The following TIAM1 variants were observed in gnomAD, a reference collection of about 807,000 sequenced individuals.
TIAM1 encodes rho guanine nucleotide exchange factor TIAM1.
A neutral mutation model predicts 163.5 loss-of-function variants in TIAM1; 65 were observed. The ratio of observed to expected loss-of-function variants is 0.40; its 90% confidence interval spans 0.33 to 0.49. The LOEUF is 0.49. Ranked by LOEUF, TIAM1 falls within the 20% of genes least tolerant of loss-of-function variation. The probability of loss-of-function intolerance (pLI) is 0.77; values close to 1 mark genes in which losing one functional copy is unlikely to be tolerated. For missense variants in TIAM1, 1,789 were observed against 2,044.7 expected, an observed-to-expected ratio of 0.87 and a Z score of 2.41; for synonymous variants, 833 against 810.1, an observed-to-expected ratio of 1.03 and a Z score of -0.48.
At chr21:31,394,394 T>C (rs1189358352) in intron 2 of TIAM1, among the ~76,000 whole-genome samples, 1 of 152,158 alleles carries the variant, frequency 6.6e-6, no homozygotes, top group Non-Finnish European at 1.5e-5. Flanking sequence ...TTTAGGGCAG[T>C]GAAACTAATT....
chr21:31,557,968 C>G (rs964983341), intron 1 of TIAM1, among the ~76,000 whole-genome samples: 3 of 152,020 alleles, frequency 2.0e-5, no homozygotes, highest in African/African-American at 7.2e-5. Context: ...GCGAAGGCGC[C>G]GAGACGGCAT....
chr21:31,123,065 C>A (rs1376496134), intron 27 of TIAM1, among the ~76,000 whole-genome samples: 1 of 152,218 alleles, frequency 6.6e-6, no homozygotes, highest in African/African-American at 2.4e-5. Context: ...GCTATGACAT[C>A]AAGGCTTTCT....
At chr21:31,437,913 A>G (rs1338340219) in intron 2 of TIAM1, among the ~76,000 whole-genome samples, 1 of 152,226 alleles carries the variant, frequency 6.6e-6, no homozygotes, top group Non-Finnish European at 1.5e-5. Flanking sequence ...ACTAATACGT[A>G]TGGATATTCC....
At chr21:31,227,964 G>A (rs1336832623) in intron 6 of TIAM1, among the ~76,000 whole-genome samples, 4 of 151,796 alleles carry the variant, frequency 2.6e-5, no homozygotes, top group African/African-American at 7.3e-5. Context: ...GTGCAGTGGC[G>A]CGATCTCAGT....
intron 2 of TIAM1, among the ~76,000 whole-genome samples, chr21:31,451,420 T>C (rs1388335781): frequency 6.6e-6 from 1 of 151,968 alleles, no homozygotes; most frequent in Admixed American, 6.6e-5. Context: ...ACACACTGCA[T>C]ACAGGGAAGT....
In TIAM1 at chr21:31,181,769, T is replaced by C. The variant is rs1019070907; in HGVS notation, c.2887+652A>G. Among the ~76,000 whole-genome samples the C allele has an allele frequency of 1.1e-3, 56 of 49,792 alleles. 1 individual carries two copies. Among genetic ancestry groups the C allele is most frequent in the African/African-American group, 3.5e-3 (27 of 7,636 alleles). The allele number at this position is 49,792 out of a possible 152,430, so 32.7% of individuals were successfully genotyped here. On this transcript the variant is annotated intron_variant, in intron 15 of 27. Coordinates refer to ENST00000541036, the MANE Select transcript of TIAM1 (RefSeq NM_001353694.2). ...CTTCTTCTTCTTCTTTTTTTTTTTT[T>C]TTTTTTTTTTTTTTTTTTTTTTTTT...
intron 2 of TIAM1, among the ~76,000 whole-genome samples, chr21:31,392,483 T>A (rs2076982451): frequency 6.8e-6 from 1 of 146,144 alleles, no homozygotes; most frequent in Non-Finnish European, 1.5e-5. Context: ...GGCAGGAGAA[T>A]CGCTTGAACC....
intron 12 of TIAM1, among the ~76,000 whole-genome samples, chr21:31,202,509 T>A (rs2086255564): frequency 6.6e-6 from 1 of 152,180 alleles, no homozygotes; most frequent in Non-Finnish European, 1.5e-5. Flanking sequence ...AAGGTTGAGG[T>A]GAGCTATGAT....
intron 13 of TIAM1, among the ~76,000 whole-genome samples, chr21:31,190,517 C>G (rs1452257476): frequency 6.6e-6 from 1 of 152,008 alleles, no homozygotes; most frequent in Non-Finnish European, 1.5e-5. Flanking sequence ...AAACTAGAGT[C>G]CAGGATACAA....
chr21:31,310,960 C>A (rs2074902688), intron 2 of TIAM1, among the ~76,000 whole-genome samples: 1 of 152,152 alleles, frequency 6.6e-6, no homozygotes, highest in Non-Finnish European at 1.5e-5. Flanking sequence ...AATCCTCTGA[C>A]AAAGGGCCGC....
At chr21:31,249,795 A>G (rs566513091) in intron 5 of TIAM1, among the ~76,000 whole-genome samples, 1 of 152,320 alleles carries the variant, frequency 6.6e-6, no homozygotes, top group South Asian at 2.1e-4. Flanking sequence ...GCAGTTCTCC[A>G]AAATGCTTCC....
At position 31,210,081 on chromosome 21, in the gene TIAM1, G is replaced by A. The variant is rs200818067; in HGVS notation, c.2352C>T (p.Gly784=). Reference sequence around the variant, plus strand: ...GCTCCAGGGTGTCCCGTGCAGTGTCGCCTGGCCGGACGACCGTCAGGGCAG... The same window carrying A: ...GCTCCAGGGTGTCCCGTGCAGTGTCACCTGGCCGGACGACCGTCAGGGCAG... ...NQPALTVVRP[G]DTARDTLELI... The change falls in exon 11 of 28, where the codon GGC becomes GGT. Residue 784 remains glycine (G), a synonymous_variant. Transcript: ENST00000541036. 2.5e-4 allele frequency: 401 copies of A among 1,614,096 alleles called. 1 individual carries two copies. The highest frequency in any genetic ancestry group is 3.2e-4 in the Non-Finnish European group (375 of 1,180,028).
chr21:31,151,535 C>T (rs1396465737), intron 19 of TIAM1, among the ~76,000 whole-genome samples: 1 of 151,952 alleles, frequency 6.6e-6, no homozygotes, highest in Non-Finnish European at 1.5e-5. Flanking sequence ...TAACAGGGAG[C>T]AGAGCATGGA....
rs774743471 is a variant in TIAM1, at chr21:31,118,585, A to C, written c.*1783T>G. The C allele has an allele frequency of 2.1e-6, 1 of 471,756 alleles. No homozygotes were observed. Among genetic ancestry groups the C allele is most frequent in the South Asian group, 1.5e-5 (1 of 64,564 alleles). 29.2% of individuals were successfully genotyped at this position (471,756 alleles called of 1,614,324 possible). A position where few individuals can be genotyped will look rare whatever the true frequency, so the allele number is the denominator to read the frequency against. On this transcript the variant is annotated 3_prime_UTR_variant, in exon 28 of 28. Coordinates refer to ENST00000541036, the MANE Select transcript of TIAM1 (RefSeq NM_001353694.2). Reference sequence around the variant, plus strand: ...AGAGACAATGGCACCCTCTCCAAGCACCAGACTTCCGAGTGTTTTCAGATG... The same window carrying C: ...AGAGACAATGGCACCCTCTCCAAGCCCCAGACTTCCGAGTGTTTTCAGATG...
intron 2 of TIAM1, among the ~76,000 whole-genome samples, chr21:31,354,249 C>T (rs1367749760): frequency 1.3e-5 from 2 of 152,192 alleles, no homozygotes; most frequent in Non-Finnish European, 2.9e-5. Context: ...GAACCTCATG[C>T]CCTCTTAAGG....
At position 31,236,057 on chromosome 21, in the gene TIAM1, A is replaced by G. The variant is rs114988153; in HGVS notation, c.1584+9431T>C. ...CTGTCTCCTGGAAAGGGGAGGTTTC[A>G]GGAGGTTTCTCCCCTTCAGGGAGCT... On this transcript the variant is annotated intron_variant, in intron 6 of 27. Coordinates refer to ENST00000541036, the MANE Select transcript of TIAM1 (RefSeq NM_001353694.2). 2.8e-3 allele frequency among the ~76,000 whole-genome samples: 433 copies of G among 152,356 alleles called. 6 individuals carry two copies. The highest frequency in any genetic ancestry group is 0.01 in the African/African-American group (424 of 41,592).
At chr21:31,376,712 A>G (rs1208988450) in intron 2 of TIAM1, among the ~76,000 whole-genome samples, 1 of 151,846 alleles carries the variant, frequency 6.6e-6, no homozygotes, top group Non-Finnish European at 1.5e-5. Context: ...GACTAATGTC[A>G]TGTTCAACTG....
At chr21:31,404,831 A>G (rs984338056) in intron 2 of TIAM1, among the ~76,000 whole-genome samples, 1 of 152,154 alleles carries the variant, frequency 6.6e-6, no homozygotes, top group Non-Finnish European at 1.5e-5. Context: ...GTCCACAATT[A>G]TTTAAAAATA....
intron 2 of TIAM1, among the ~76,000 whole-genome samples, chr21:31,321,148 G>T (rs1009707190): frequency 2.0e-5 from 3 of 149,878 alleles, no homozygotes; most frequent in Non-Finnish European, 4.4e-5. Flanking sequence ...AGAAGGGGGC[G>T]GGGGGGGATG....
Sources: gnomAD v4.1 joint callset for allele counts (sites outside exome capture counted in the v4.1 genomes callset) on GRCh38, gnomAD v4.1.1 for gene constraint, MANE v1.5 for transcripts, NCBI Gene and HGNC (gene_info 2026-07-23, HGNC 2026-07-21) for gene names.